Variants in PEX5L observed in about 807,000 individuals in gnomAD.
PEX5L encodes the protein peroxisomal biogenesis factor 5 like.
PEX5L carries 30 observed loss-of-function variants against 84.0 expected under a neutral mutation model. That is an observed-to-expected ratio of 0.36 (90% confidence interval 0.27 to 0.48). The LOEUF (loss-of-function observed/expected upper bound fraction) is 0.48, where lower values mean the gene tolerates loss of function less well. Among genes scored for constraint, PEX5L ranks in the 20% least tolerant of loss-of-function variants. The pLI is 0.99. For missense variants in PEX5L, 533 were observed against 754.6 expected, an observed-to-expected ratio of 0.71 and a Z score of 3.44; for synonymous variants, 270 against 283.1, an observed-to-expected ratio of 0.95 and a Z score of 0.46.
chr3:179,986,502 A>C (rs1185944221), intron 1 of PEX5L, among the ~76,000 whole-genome samples: 2 of 147,558 alleles, frequency 1.4e-5, no homozygotes, highest in Non-Finnish European at 3.0e-5. Flanking sequence ...TCCCGGGTTC[A>C]CGCCATTCTC....
chr3:179,870,511 TTC>T (rs943557895), intron 7 of PEX5L, among the ~76,000 whole-genome samples: 7 of 152,172 alleles, frequency 4.6e-5, no homozygotes, highest in African/African-American at 1.7e-4. Flanking sequence ...TCAAACCTCT[TTC>T]TCTGTTGCAA....
chr3:179,796,203 T>G lies in PEX5L; in HGVS notation c.*5625A>C, dbSNP rs985169229. On this transcript the variant is annotated 3_prime_UTR_variant, in exon 15 of 15. Transcript: ENST00000467460. Reference sequence around the variant, plus strand: ...CGACCCCTCCCCCTCCCCCAATGAATGATACACATTTTATAGTTGAGCAAA... The same window carrying G: ...CGACCCCTCCCCCTCCCCCAATGAAGGATACACATTTTATAGTTGAGCAAA... The G allele has an allele frequency of 1.1e-4, 16 of 151,892 alleles. No individual in the cohort carries two copies. Among genetic ancestry groups the G allele is most frequent in the African/African-American group, 3.6e-4 (15 of 41,450 alleles). 9.4% of individuals were successfully genotyped at this position (151,892 alleles called of 1,614,324 possible).
rs148051432 is a variant in PEX5L at position 179,868,386 on chromosome 3, G to A, written c.726+5941C>T. 3.3e-3 allele frequency among the ~76,000 whole-genome samples: 501 copies of A among 152,200 alleles called. 7 individuals are homozygous for A. The highest frequency in any genetic ancestry group is 0.012 in the African/African-American group (485 of 41,562). ...TATTACACATAGGAAGTAGGTATGC[G>A]ATAAATAACAGCTACTAAGATGCAT... On this transcript the variant is annotated intron_variant, in intron 7 of 14. Transcript: ENST00000467460.
chr3:179,952,716 A>G (rs1308176974), intron 2 of PEX5L, among the ~76,000 whole-genome samples: 1 of 152,208 alleles, frequency 6.6e-6, no homozygotes, highest in African/African-American at 2.4e-5. Flanking sequence ...CCATCAAGCT[A>G]TCATTGACTT....
chr3:180,028,980 T>C (rs1791208122), intron 1 of PEX5L, among the ~76,000 whole-genome samples: 1 of 152,204 alleles, frequency 6.6e-6, no homozygotes, highest in Non-Finnish European at 1.5e-5. Context: ...GCTGTCTGAA[T>C]AGGTATCTTT....
chr3:179,923,802 T>C (rs532634137), intron 2 of PEX5L, among the ~76,000 whole-genome samples: 45 of 152,326 alleles, frequency 3.0e-4, no homozygotes, highest in African/African-American at 8.7e-4. Context: ...GCAATGCTTA[T>C]AAAGTAAGCA....
In PEX5L at chr3:179,801,227, G is replaced by A. The variant is rs1450980441; in HGVS notation, c.*601C>T. The A allele has an allele frequency of 6.5e-6, 1 of 153,730 alleles. No homozygotes were observed. The highest frequency in any genetic ancestry group is 1.5e-5 in the Non-Finnish European group (1 of 68,840). The allele number at this position is 153,730 out of a possible 1,614,324, so 9.5% of individuals were successfully genotyped here. ...ATACAATACCAGAAAAGTTTAGATT[G>A]GGAACAGCAAAAATTTCTAGTGCAA... On this transcript the variant is annotated 3_prime_UTR_variant, in exon 15 of 15. Coordinates refer to ENST00000467460, the MANE Select transcript of PEX5L (RefSeq NM_016559.3).
rs2108599306 is a variant in PEX5L at position 179,796,986 on chromosome 3, C to T, written c.*4842G>A. 6.6e-6 allele frequency: 1 copy of T among 152,296 alleles called. No homozygotes were observed. The highest frequency in any genetic ancestry group is 2.4e-5 in the African/African-American group (1 of 41,568). The allele number at this position is 152,296 out of a possible 1,614,324, so 9.4% of individuals were successfully genotyped here. A position where few individuals can be genotyped will look rare whatever the true frequency, so the allele number is the denominator to read the frequency against. On this transcript the variant is annotated 3_prime_UTR_variant, in exon 15 of 15. Transcript: ENST00000467460. Reference sequence around the variant, plus strand: ...TGTGTGATGATTTTGATGTGCCTGACATTACCCCAACCTCCTCGCCTTATT... The same window carrying T: ...TGTGTGATGATTTTGATGTGCCTGATATTACCCCAACCTCCTCGCCTTATT...
At chr3:179,813,274 A>G (rs9845643) in intron 10 of PEX5L, among the ~76,000 whole-genome samples, 36,179 of 151,972 alleles carry the variant, frequency 0.24, 4,969 homozygotes, top group African/African-American at 0.38. Context: ...CCTTGTCTGG[A>G]ATTTGTTAGT....
chr3:179,826,378 G>A (rs1730503614), intron 8 of PEX5L, among the ~76,000 whole-genome samples: 1 of 152,210 alleles, frequency 6.6e-6, no homozygotes, highest in South Asian at 2.1e-4. Flanking sequence ...GCAAACGAAT[G>A]TCTTTGCAGA....
intron 8 of PEX5L, among the ~76,000 whole-genome samples, chr3:179,852,264 A>T (rs966442952): frequency 3.3e-5 from 5 of 152,142 alleles, no homozygotes; most frequent in Non-Finnish European, 5.9e-5. Context: ...TGTGGTGTGG[A>T]CAGGAGACCT....
chr3:179,818,681 C>T (rs1001449922), intron 9 of PEX5L, among the ~76,000 whole-genome samples: 21 of 151,958 alleles, frequency 1.4e-4, no homozygotes, highest in African/African-American at 5.1e-4. Context: ...ATTTAGCTCC[C>T]ACAAACAAGT....
chr3:179,845,441 A>G lies in PEX5L; in HGVS notation c.822+13621T>C, dbSNP rs543004135. On this transcript the variant is annotated intron_variant, in intron 8 of 14. Transcript: ENST00000467460. ...TCCTTAGTCTCTTTCCATGCCTCCA[A>G]TTCTCTCAGTCCATTAAAGGTAGCT... Among the ~76,000 whole-genome samples the G allele has an allele frequency of 2.6e-5, 4 of 152,322 alleles. No homozygotes were observed. The East Asian group carries it at 7.7e-4, about 29-fold the overall frequency.
At chr3:179,977,531 A>G (rs1041711777) in intron 1 of PEX5L, among the ~76,000 whole-genome samples, 2 of 152,130 alleles carry the variant, frequency 1.3e-5, no homozygotes, top group African/African-American at 2.4e-5. Context: ...CAACACAGCC[A>G]CAGACTCATT....
chr3:180,026,133 C>CT (rs368852075), intron 1 of PEX5L, among the ~76,000 whole-genome samples: 23,690 of 101,728 alleles, frequency 0.23, 2,851 homozygotes, highest in East Asian at 0.52. Flanking sequence ...TTTCAGCATT[C>CT]TTTTTTTTTT....
At chr3:179,808,705 A>G (rs961590365) in intron 12 of PEX5L, among the ~76,000 whole-genome samples, 4 of 152,184 alleles carry the variant, frequency 2.6e-5, no homozygotes, top group Non-Finnish European at 4.4e-5. Flanking sequence ...ATGAGTGCCA[A>G]TGTGGAAAAC....
At chr3:179,919,862 T>G (rs949139399) in intron 2 of PEX5L, among the ~76,000 whole-genome samples, 4 of 151,944 alleles carry the variant, frequency 2.6e-5, no homozygotes, top group Non-Finnish European at 4.4e-5. Context: ...GCCACCATGC[T>G]CAGCTAATTT....
At chr3:180,010,860 T>C (rs1361884829) in intron 1 of PEX5L, among the ~76,000 whole-genome samples, 1 of 152,136 alleles carries the variant, frequency 6.6e-6, no homozygotes, top group African/African-American at 2.4e-5. Flanking sequence ...TGTTAAAGTA[T>C]TTTTTAAAAA....
At chr3:179,907,872 T>C (rs1316661926) in intron 2 of PEX5L, among the ~76,000 whole-genome samples, 1 of 152,198 alleles carries the variant, frequency 6.6e-6, no homozygotes, top group Non-Finnish European at 1.5e-5. Context: ...TCTGTGGCTT[T>C]CCCCATTTTC....
Sources: allele counts gnomAD v4.1 joint callset (sites outside exome capture counted in the v4.1 genomes callset), GRCh38; gene constraint gnomAD v4.1.1; transcripts MANE v1.5; gene names NCBI Gene and HGNC (gene_info 2026-07-23, HGNC 2026-07-21).